EHBP1: variants seen among roughly 807,000 people sequenced by gnomAD.
EHBP1 encodes the protein EH domain-binding protein 1.
In EHBP1, 55 loss-of-function variants were observed where a neutral mutation model predicts 144.0. The observed-to-expected ratio is 0.38, with a 90% CI of 0.31 to 0.48. EHBP1 has a LOEUF of 0.48. Ranked by LOEUF, EHBP1 falls within the 20% of genes least tolerant of loss-of-function variation. The pLI is 0.98. For missense variants in EHBP1, 1,200 were observed against 1,364.2 expected (o/e 0.88, Z 1.90); for synonymous variants, 469 against 472.7 (o/e 0.99, Z 0.10).
chr2:62,993,182 A>G (rs1488760499), intron 16 of EHBP1, among the ~76,000 whole-genome samples: 1 of 152,186 alleles, frequency 6.6e-6, no homozygotes, highest in Non-Finnish European at 1.5e-5. Context: ...CTCAATGGGC[A>G]TAAAATTAGA....
intron 10 of EHBP1, among the ~76,000 whole-genome samples, chr2:62,938,959 C>T (rs2056569326): frequency 6.6e-6 from 1 of 152,104 alleles, no homozygotes; most frequent in Non-Finnish European, 1.5e-5. Flanking sequence ...TTAATATTTA[C>T]TGAATGGTAC....
intron 14 of EHBP1, among the ~76,000 whole-genome samples, chr2:62,956,564 G>A (rs1177428810): frequency 6.6e-6 from 1 of 151,876 alleles, no homozygotes; most frequent in Non-Finnish European, 1.5e-5. Flanking sequence ...AAAAACCACT[G>A]CAGGGCTAGG....
At chr2:62,852,452 A>T (rs2048746207) in intron 7 of EHBP1, among the ~76,000 whole-genome samples, 1 of 151,642 alleles carries the variant, frequency 6.6e-6, no homozygotes, top group South Asian at 2.1e-4. Flanking sequence ...TTCATATTTT[A>T]TGTTTACAAA....
chr2:62,881,055 G>A (rs905848072), intron 10 of EHBP1, among the ~76,000 whole-genome samples: 25 of 151,822 alleles, frequency 1.6e-4, no homozygotes, highest in African/African-American at 5.3e-4. Flanking sequence ...GGAATACTAC[G>A]CAGCCATAAA....
intron 19 of EHBP1, among the ~76,000 whole-genome samples, chr2:63,008,851 T>G (rs979239255): frequency 6.6e-6 from 1 of 151,612 alleles, no homozygotes; most frequent in African/African-American, 2.4e-5. Context: ...GTGATCTAAG[T>G]GTTGAATGAA....
chr2:62,948,015 T>A (rs1454777794), intron 12 of EHBP1, among the ~76,000 whole-genome samples: 1 of 152,174 alleles, frequency 6.6e-6, no homozygotes, highest in Non-Finnish European at 1.5e-5. Flanking sequence ...TTTTAAAAAA[T>A]TTAACTCTCA....
At chr2:62,730,356 C>T (rs1394870981) in intron 2 of EHBP1, among the ~76,000 whole-genome samples, 1 of 152,104 alleles carries the variant, frequency 6.6e-6, no homozygotes, top group Non-Finnish European at 1.5e-5. Context: ...TTTACTGTCA[C>T]CATAGTTTTG....
At chr2:63,024,107 A>T (rs1188992626) in intron 19 of EHBP1, among the ~76,000 whole-genome samples, 1 of 152,176 alleles carries the variant, frequency 6.6e-6, no homozygotes, top group Non-Finnish European at 1.5e-5. Flanking sequence ...ACACTTTGGG[A>T]GGCCAAGGTG....
chr2:62,726,972 C>T (rs1213982380), intron 2 of EHBP1, among the ~76,000 whole-genome samples: 1 of 152,106 alleles, frequency 6.6e-6, no homozygotes, highest in Non-Finnish European at 1.5e-5. Context: ...AAGCAATTCT[C>T]CTGCCTCAGC....
chr2:62,955,521 G>T lies in EHBP1; in HGVS notation c.2321G>T (p.Arg774Leu), dbSNP rs746471168. The T allele has an allele frequency of 1.9e-6, 3 of 1,600,608 alleles. No individual in the cohort carries two copies. The highest frequency in any genetic ancestry group is 2.3e-5 in the South Asian group (2 of 88,280). The change falls in exon 14 of 23, where the codon CGA (arginine) becomes CTA (leucine). Residue 774 changes from arginine to leucine, a missense_variant. Around this residue, in one of 6 missense-constraint regions of EHBP1, gnomAD observed 543 missense variants for 513.1 expected, o/e 1.06. Transcript: ENST00000431489. ...TTCTGTATCTTTGCTTTTAAGCATC[G>T]ATTGTTATCTAGACAAGAAGAACTT... is the stretch of plus-strand genomic sequence containing the variant. ...ADHSSKIVQHRLLSRQEELKE... is the reference protein window; with the variant it reads ...ADHSSKIVQHLLLSRQEELKE...
chr2:62,990,562 T>C (rs2059374155), intron 15 of EHBP1, among the ~76,000 whole-genome samples, 154 bp from the exon 16 acceptor site: 3 of 152,196 alleles, frequency 2.0e-5, no homozygotes, highest in Non-Finnish European at 2.9e-5. Context: ...GGAATATATA[T>C]ATGTAAAGGA....
chr2:62,716,258 G>A (rs1343635681), intron 2 of EHBP1, among the ~76,000 whole-genome samples: 1 of 151,506 alleles, frequency 6.6e-6, no homozygotes, highest in African/African-American at 2.4e-5. Context: ...TACTGATTTT[G>A]GACAATTCTA....
At chr2:62,793,129 A>G (rs907652685) in intron 5 of EHBP1, among the ~76,000 whole-genome samples, 3 of 152,088 alleles carry the variant, frequency 2.0e-5, no homozygotes, top group African/African-American at 7.2e-5. Flanking sequence ...CATTTAGGGT[A>G]GATTAAGTTC....
At chr2:62,814,981 C>A (rs551872926) in intron 5 of EHBP1, among the ~76,000 whole-genome samples, 1 of 152,214 alleles carries the variant, frequency 6.6e-6, no homozygotes, top group East Asian at 1.9e-4. Flanking sequence ...TGAAAAAAAT[C>A]TTTTAAAATG....
At chr2:62,849,061 A>C (rs778193860) in intron 7 of EHBP1, among the ~76,000 whole-genome samples, 1 of 152,108 alleles carries the variant, frequency 6.6e-6, no homozygotes, top group African/African-American at 2.4e-5. Flanking sequence ...CCCAATATTC[A>C]TGCTCTTTTA....
chr2:62,916,580 G>A (rs1269274366), intron 10 of EHBP1, among the ~76,000 whole-genome samples: 1 of 150,100 alleles, frequency 6.7e-6, no homozygotes, highest in Non-Finnish European at 1.5e-5. Flanking sequence ...GCAACAGAGC[G>A]AGACTCTGTC....
Position 62,826,233 on chromosome 2 carries a change from A to C in EHBP1, c.459A>C (p.Ser153=). ...KKVVSAALQF[S]LSCIFLREGK... ...TTGTATCTGCCGCTCTTCAGTTTTC[A>C]TTATCTTGCATTTTTCTGAGGGAAG... Residue 153 remains serine, a synonymous_variant, in exon 6 of 23, where the codon TCA becomes TCC. Transcript: ENST00000431489. The C allele has an allele frequency of 1.3e-6, 2 of 1,598,668 alleles. No individual in the cohort carries two copies. Among genetic ancestry groups the C allele is most frequent in the Non-Finnish European group, 1.7e-6 (2 of 1,175,886 alleles).
intron 2 of EHBP1, among the ~76,000 whole-genome samples, chr2:62,741,991 A>T (rs1439556882): frequency 6.6e-6 from 1 of 152,010 alleles, no homozygotes; most frequent in Non-Finnish European, 1.5e-5. Context: ...TTTTTACTGC[A>T]CCTTTTCTAT....
At chr2:63,001,755 G>A (rs1358320125) in intron 19 of EHBP1, among the ~76,000 whole-genome samples, 3 of 152,100 alleles carry the variant, frequency 2.0e-5, no homozygotes, top group Non-Finnish European at 4.4e-5. Flanking sequence ...GGGAGAGCAG[G>A]AGTTAGACCC....
Sources: allele counts gnomAD v4.1 joint callset (sites outside exome capture counted in the v4.1 genomes callset), GRCh38; gene constraint gnomAD v4.1.1; regional missense constraint gnomAD v4.1.1; transcripts MANE v1.5; gene names NCBI Gene and HGNC (gene_info 2026-07-23, HGNC 2026-07-21).